Variants in CAMK2B observed in about 807,000 individuals in gnomAD.
CAMK2B encodes calcium/calmodulin-dependent protein kinase type II subunit beta.
In CAMK2B, 27 loss-of-function variants were observed where a neutral mutation model predicts 93.7. That is an observed-to-expected ratio of 0.29 (90% CI 0.21 to 0.40). The LOEUF (loss-of-function observed/expected upper bound fraction) is 0.40. Among genes scored for constraint, CAMK2B ranks in the 10% least tolerant of loss-of-function variants. The pLI is 1.00. For missense variants in CAMK2B, 568 were observed against 895.8 expected, an observed-to-expected ratio of 0.63 and a Z score of 4.67; for synonymous variants, 374 against 358.8, an observed-to-expected ratio of 1.04 and a Z score of -0.48.
intron 5 of CAMK2B, 182 bp from the exon 6 acceptor site, chr7:44,247,374 C>A: frequency 1.6e-6 from 1 of 636,046 alleles, no homozygotes; most frequent in Non-Finnish European, 2.9e-6. Flanking sequence ...CCAAGGCCAG[C>A]AACTCTGGCC....
At chr7:44,234,712 T>C in intron 13 of CAMK2B, 36 bp from the exon 14 acceptor site, 6 of 1,611,296 alleles carry the variant, frequency 3.7e-6, no homozygotes, top group Non-Finnish European at 5.1e-6. Context: ...TGGTGAGTGA[T>C]GGGCCTGGGT....
At chr7:44,322,094 G>T (rs117367169) in intron 1 of CAMK2B, among the ~76,000 whole-genome samples, 217 of 152,378 alleles carry the variant, frequency 1.4e-3, no homozygotes, top group Middle Eastern at 3.4e-3. Context: ...AGACAACCTA[G>T]ATTTCCATTG....
intron 23 of CAMK2B, 43 bp downstream of exon 23, chr7:44,220,016 CG>C (rs2096379378): frequency 6.8e-7 from 1 of 1,469,738 alleles, no homozygotes; most frequent in African/African-American, 1.4e-5. Flanking sequence ...CTCACACCAC[CG>C]CCACCCCTCT....
Position 44,254,458 on chromosome 7 carries a change from G to C in CAMK2B, c.341+84C>G. On this transcript the variant is annotated intron_variant, in intron 5 of 23. Coordinates refer to ENST00000395749, the MANE Select transcript of CAMK2B (RefSeq NM_001220.5). ...GATGCTCAGCACCAGACGTGGGTTA[G>C]AAAGAGCAGCAGGAGTGGGTGAAGG... 4.9e-6 allele frequency: 5 copies of C among 1,010,758 alleles called. No individual in the cohort carries two copies. In the South Asian group the frequency reaches 6.5e-5, roughly 13 times the overall value. The allele number at this position is 1,010,758 out of a possible 1,614,324, so 62.6% of individuals were successfully genotyped here.
intron 1 of CAMK2B, among the ~76,000 whole-genome samples, chr7:44,316,254 T>A (rs1396763962): frequency 6.6e-6 from 1 of 152,214 alleles, no homozygotes; most frequent in Non-Finnish European, 1.5e-5. Flanking sequence ...TTTTTTTAAA[T>A]GCTTTTTCTG....
chr7:44,325,585 C>G lies in CAMK2B; in HGVS notation c.-164G>C, dbSNP rs1286395202. The G allele has an allele frequency of 5.3e-6, 1 of 188,426 alleles. No homozygotes were observed. The highest frequency in any genetic ancestry group is 9.6e-6 in the Non-Finnish European group (1 of 103,910). The allele number at this position is 188,426 out of a possible 1,614,324, so 11.7% of individuals were successfully genotyped here. ...TGGGCTGCGCCGGGCGGCGAGCGCA[C>G]GCGAGATCTGCTCGCTCCGTCCTCG... On this transcript the variant is annotated 5_prime_UTR_variant, in exon 1 of 24. Coordinates refer to ENST00000395749, the MANE Select transcript of CAMK2B (RefSeq NM_001220.5).
chr7:44,307,217 G>A (rs111064869), intron 1 of CAMK2B, among the ~76,000 whole-genome samples: 12,798 of 113,952 alleles, frequency 0.11, 2,006 homozygotes, highest in Non-Finnish European at 0.18. Flanking sequence ...ACAGGAGGAG[G>A]GTATGAGCAA....
intron 5 of CAMK2B, among the ~76,000 whole-genome samples, chr7:44,252,052 G>C (rs2096785626): frequency 1.3e-5 from 2 of 152,180 alleles, no homozygotes; most frequent in African/African-American, 4.8e-5. Context: ...CTGTGGGTGT[G>C]TGTGGGGTGC....
In CAMK2B at chr7:44,220,912, A is replaced by T; in HGVS notation, c.1598-11T>A. On this transcript the variant is annotated splice_polypyrimidine_tract_variant and intron_variant, in intron 20 of 23. Coordinates refer to ENST00000395749, the MANE Select transcript of CAMK2B (RefSeq NM_001220.5). ...TCTCCTGCTTCCGGGCTGTGGGGAG[A>T]CATGGCCAGGTGACCACTGGGCGCT... is the stretch of plus-strand genomic sequence containing the variant. The T allele has an allele frequency of 6.4e-7, 1 of 1,557,978 alleles. No individual in the cohort carries two copies. The highest frequency in any genetic ancestry group is 1.2e-5 in the South Asian group (1 of 84,522).
At chr7:44,251,806 AG>A (rs1387826641) in intron 5 of CAMK2B, among the ~76,000 whole-genome samples, 2 of 152,208 alleles carry the variant, frequency 1.3e-5, no homozygotes, top group African/African-American at 4.8e-5. Context: ...CCTGGGTCAG[AG>A]CCGGGAACAC....
In CAMK2B at chr7:44,308,941, C is replaced by T. The variant is rs1254092407; in HGVS notation, c.65+16416G>A. ...AGCCGGAAGGCCCAGAAGGGTCCAGCAAAGGCACTGAGGGAACTGAGCTGC... is the reference window on the plus strand; with the variant it reads ...AGCCGGAAGGCCCAGAAGGGTCCAGTAAAGGCACTGAGGGAACTGAGCTGC... On this transcript the variant is annotated intron_variant, in intron 1 of 23. Transcript: ENST00000395749. 2.0e-5 allele frequency among the ~76,000 whole-genome samples: 3 copies of T among 152,214 alleles called. No individual in the cohort carries two copies. The East Asian group carries it at 5.8e-4, about 29-fold the overall frequency.
rs764212939 is a variant in CAMK2B, at chr7:44,226,503, A to G, written c.1597+13T>C. ...GGGCAGCCGCTGCCACGGCCACTCA[A>G]GGTGCTACTTACATGGGGTGGGCAG... On this transcript the variant is annotated intron_variant, in intron 20 of 23. Coordinates refer to ENST00000395749, the MANE Select transcript of CAMK2B (RefSeq NM_001220.5). 4 of 1,405,076 alleles carry G rather than the reference A, an allele frequency of 2.8e-6. No individual in the cohort carries two copies. Among genetic ancestry groups the G allele is most frequent in the East Asian group, 2.8e-5 (1 of 35,948 alleles). 87.0% of individuals were successfully genotyped at this position (1,405,076 alleles called of 1,614,324 possible).
At chr7:44,283,993 G>A (rs1784405678) in intron 2 of CAMK2B, 138 bp downstream of exon 2, 17 of 640,962 alleles carry the variant, frequency 2.7e-5, no homozygotes, top group Middle Eastern at 4.1e-4. Context: ...CACTGCATCT[G>A]TGCATGGAGC....
chr7:44,290,324 G>T (rs1238899343), intron 1 of CAMK2B, among the ~76,000 whole-genome samples: 1 of 152,264 alleles, frequency 6.6e-6, no homozygotes, highest in Non-Finnish European at 1.5e-5. Flanking sequence ...CGGGCCAGGC[G>T]CTGTCTCCCT....
intron 1 of CAMK2B, among the ~76,000 whole-genome samples, chr7:44,309,170 A>G (rs1437407205): frequency 2.6e-5 from 4 of 152,154 alleles, no homozygotes; most frequent in African/African-American, 9.6e-5. Flanking sequence ...GGCCCCAGAG[A>G]GGAGAGAGTG....
intron 2 of CAMK2B, among the ~76,000 whole-genome samples, chr7:44,272,184 G>A (rs548464969): frequency 2.4e-3 from 369 of 152,300 alleles, no homozygotes; most frequent in Middle Eastern, 0.017. Flanking sequence ...CGGGGAATTG[G>A]GGGGGTGGGC....
At position 44,228,134 on chromosome 7, in the gene CAMK2B, G is replaced by A. The variant is rs1177045930; in HGVS notation, c.1468+662C>T. ...GCCAGCAAGAAGCTGTCAGGTAAGT[G>A]GCCCTTGAGGAACGCTGGACGGGGT... is the stretch of plus-strand genomic sequence containing the variant. On this transcript the variant is annotated intron_variant, in intron 19 of 23. Transcript: ENST00000395749. Among the ~76,000 whole-genome samples, 17 of 151,936 alleles carry A rather than the reference G, an allele frequency of 1.1e-4. 1 individual carries two copies. The highest frequency in any genetic ancestry group is 1.1e-3 in the Admixed American group (17 of 15,264).
chr7:44,247,197 G>A lies in CAMK2B; in HGVS notation c.342-5C>T, dbSNP rs778367075. 8 of 1,613,944 alleles carry A rather than the reference G, an allele frequency of 5.0e-6. No individual in the cohort carries two copies. In the Admixed American group the frequency reaches 1.2e-4, roughly 24 times the overall value. On this transcript the variant is annotated splice_polypyrimidine_tract_variant and splice_region_variant and intron_variant, in intron 5 of 23. Transcript: ENST00000395749. The stretch of plus-strand genomic sequence containing the variant: ...AGGATCTGCTGGATACAGTGACTGT[G>A]GCAAACAGCAGGTGGGTTAGTGCGA...
chr7:44,296,298 GA>G (rs147576728), intron 1 of CAMK2B, among the ~76,000 whole-genome samples: 9,469 of 152,142 alleles, frequency 0.062, 421 homozygotes, highest in Non-Finnish European at 0.084. Context: ...TGCTGTAACA[GA>G]AATAAAGAAT....
Sources: allele counts gnomAD v4.1 joint callset (sites outside exome capture counted in the v4.1 genomes callset), GRCh38; gene constraint gnomAD v4.1.1; transcripts MANE v1.5; gene names NCBI Gene and HGNC (gene_info 2026-07-23, HGNC 2026-07-21).